The following ROCK2 variants were observed in gnomAD, a reference collection of about 807,000 sequenced individuals.
ROCK2 encodes rho-associated protein kinase 2.
A neutral mutation model predicts 195.1 loss-of-function variants in ROCK2; 61 were observed. The ratio of observed to expected loss-of-function variants is 0.31; its 90% CI spans 0.25 to 0.39. ROCK2 has a LOEUF of 0.39. Ranked by LOEUF, ROCK2 falls within the 10% of genes least tolerant of loss-of-function variation. ROCK2 has a pLI of 1.00. For missense variants in ROCK2, 1,109 were observed against 1,637.4 expected, an observed-to-expected ratio of 0.68 and a Z score of 5.57; for synonymous variants, 504 against 545.5, an observed-to-expected ratio of 0.92 and a Z score of 1.06.
At position 11,212,059 on chromosome 2, in the gene ROCK2, A is replaced by T. The variant is rs139773776; in HGVS notation, c.2044-219T>A. ...GTAGCTGGGACTATAGAAGTTTGTC[A>T]CCACTCCTGGCTAATTTATTTTATT... On this transcript the variant is annotated intron_variant, in intron 17 of 32. Transcript: ENST00000315872. Among the ~76,000 whole-genome samples the T allele has an allele frequency of 7.1e-3, 1,080 of 151,932 alleles. 15 individuals carry two copies. The highest frequency in any genetic ancestry group is 0.025 in the African/African-American group (1,028 of 41,374).
intron 5 of ROCK2, chr2:11,234,360 GA>G (rs1665129240): frequency 6.6e-6 from 1 of 152,000 alleles, no homozygotes; most frequent in Admixed American, 6.5e-5. Context: ...TTGGTTTAAT[GA>G]AAATCGCAAT....
intron 5 of ROCK2, among the ~76,000 whole-genome samples, chr2:11,232,762 C>T (rs937647179): frequency 6.6e-6 from 1 of 152,126 alleles, no homozygotes; most frequent in South Asian, 2.1e-4. Context: ...AAGATGATAT[C>T]AGCAATATCT....
chr2:11,186,109 G>T lies in ROCK2; in HGVS notation c.4164-2669C>A, dbSNP rs188710173. ...TACTCTAATTTAAAATAAACACAGC[G>T]ACTCAAATTACTCTTTTAAAATGTG... On this transcript the variant is annotated intron_variant, in intron 32 of 32. Transcript: ENST00000315872. Among the ~76,000 whole-genome samples, 87 of 152,274 alleles carry T rather than the reference G, an allele frequency of 5.7e-4. 1 individual carries two copies. Among genetic ancestry groups the T allele is most frequent in the African/African-American group, 2.1e-3 (86 of 41,562 alleles).
chr2:11,224,739 T>G (rs889050810), intron 6 of ROCK2, among the ~76,000 whole-genome samples: 1 of 151,862 alleles, frequency 6.6e-6, no homozygotes, highest in Admixed American at 6.6e-5. Context: ...TTTTTTAATT[T>G]AAGAGAGGAA....
At chr2:11,334,510 CAAAA>C (rs34182610) in intron 1 of ROCK2, among the ~76,000 whole-genome samples, 9 of 89,642 alleles carry the variant, frequency 1.0e-4, no homozygotes, top group Admixed American at 2.6e-4. Flanking sequence ...GACTCTGTCT[CAAAA>C]AAAAAAAAAA....
intron 5 of ROCK2, among the ~76,000 whole-genome samples, chr2:11,229,039 G>A (rs1038109664): frequency 2.6e-5 from 4 of 152,118 alleles, no homozygotes; most frequent in Admixed American, 2.6e-4. Flanking sequence ...TCTACACAAT[G>A]AAGACTGGAA....
At chr2:11,287,904 C>A (rs2148195387) in intron 1 of ROCK2, among the ~76,000 whole-genome samples, 168 bp from the exon 2 acceptor site, 1 of 152,298 alleles carries the variant, frequency 6.6e-6, no homozygotes, top group Admixed American at 6.5e-5. Flanking sequence ...GGTTTCCTAA[C>A]CTCTGTCAGA....
intron 1 of ROCK2, among the ~76,000 whole-genome samples, chr2:11,318,522 T>G (rs1415007093): frequency 6.6e-6 from 1 of 152,134 alleles, no homozygotes; most frequent in Non-Finnish European, 1.5e-5. Flanking sequence ...GTCAGATGAG[T>G]AGATTGCAAA....
intron 18 of ROCK2, among the ~76,000 whole-genome samples, chr2:11,208,659 G>A (rs1385895702): frequency 1.4e-5 from 2 of 147,768 alleles, no homozygotes; most frequent in Non-Finnish European, 3.0e-5. Flanking sequence ...GTGCAGTGAC[G>A]CAATCTCAGC....
rs373067826 is a variant in ROCK2 at position 11,343,903 on chromosome 2, C to G, written c.141+93G>C. The G allele has an allele frequency of 1.7e-5, 24 of 1,438,844 alleles. 1 individual carries two copies. Among genetic ancestry groups the G allele is most frequent in the African/African-American group, 1.3e-4 (9 of 67,222 alleles). The allele number at this position is 1,438,844 out of a possible 1,614,324, so 89.1% of individuals were successfully genotyped here. ...GGGCGGGGTGGGGCAAGACCTCCCC[C>G]TCCCCACGGGCGGACGGGCACGGAG... On this transcript the variant is annotated intron_variant, in intron 1 of 32. Transcript: ENST00000315872.
chr2:11,338,001 G>A (rs1273614835), intron 1 of ROCK2, among the ~76,000 whole-genome samples: 1 of 151,984 alleles, frequency 6.6e-6, no homozygotes, highest in Non-Finnish European at 1.5e-5. Flanking sequence ...TCCACTACAA[G>A]GTATTTAATT....
At chr2:11,218,926 T>G (rs1383182448) in intron 10 of ROCK2, 40 bp downstream of exon 10, 2 of 1,193,956 alleles carry the variant, frequency 1.7e-6, no homozygotes, top group African/African-American at 3.0e-5. Flanking sequence ...TATTTAAACA[T>G]GAAACTAAAA....
intron 32 of ROCK2, among the ~76,000 whole-genome samples, chr2:11,190,461 G>A (rs1260278906): frequency 6.6e-6 from 1 of 151,908 alleles, no homozygotes; most frequent in Non-Finnish European, 1.5e-5. Flanking sequence ...GTATTTGTAA[G>A]TCAGTGTACA....
chr2:11,323,394 T>C (rs779844095), intron 1 of ROCK2, among the ~76,000 whole-genome samples: 14 of 152,142 alleles, frequency 9.2e-5, no homozygotes, highest in Non-Finnish European at 1.6e-4. Flanking sequence ...CAGGAAGACA[T>C]TAAATCTAAA....
intron 1 of ROCK2, among the ~76,000 whole-genome samples, chr2:11,335,173 C>T (rs1017745842): frequency 2.7e-4 from 41 of 150,582 alleles, no homozygotes; most frequent in Admixed American, 1.3e-4. Flanking sequence ...AAGGGGAAGG[C>T]GGGGAATGAG....
chr2:11,343,160 C>A (rs1186348760), intron 1 of ROCK2, among the ~76,000 whole-genome samples: 1 of 151,502 alleles, frequency 6.6e-6, no homozygotes. Context: ...CCCCTTTTCC[C>A]ATAAATGCAT....
intron 7 of ROCK2, among the ~76,000 whole-genome samples, chr2:11,222,759 G>A (rs1664680337): frequency 6.6e-6 from 1 of 152,026 alleles, no homozygotes; most frequent in African/African-American, 2.4e-5. Context: ...GAAATAGAGA[G>A]CATCTGTGTT....
At chr2:11,308,747 T>C in intron 1 of ROCK2, 1 of 1,612,634 alleles carries the variant, frequency 6.2e-7, no homozygotes, top group Non-Finnish European at 8.5e-7. Flanking sequence ...CTTCTTTGAA[T>C]TCAAACACTA....
chr2:11,263,994 C>T (rs559469985), intron 3 of ROCK2, among the ~76,000 whole-genome samples: 6 of 139,922 alleles, frequency 4.3e-5, no homozygotes, highest in East Asian at 2.1e-4. Context: ...AAAAAAAAAA[C>T]ATGTATGCTA....
Sources: gnomAD v4.1 joint callset for allele counts (sites outside exome capture counted in the v4.1 genomes callset) on GRCh38, gnomAD v4.1.1 for gene constraint, MANE v1.5 for transcripts, NCBI Gene and HGNC (gene_info 2026-07-23, HGNC 2026-07-21) for gene names.